The following XKR6 variants were observed in gnomAD, a reference collection of about 807,000 sequenced individuals.
XKR6 encodes the protein XK-related protein 6.
XKR6 carries 22 observed loss-of-function variants against 56.7 expected under a neutral mutation model. The ratio of observed to expected loss-of-function variants is 0.39; its 90% confidence interval spans 0.28 to 0.55. The LOEUF is 0.55. XKR6 is among the 20% of genes least tolerant of loss of function. The pLI is 0.66. For synonymous variants in XKR6, 524 were observed against 387.8 expected, an observed-to-expected ratio of 1.35 and a Z score of -4.13; for missense variants, 852 against 889.0, an observed-to-expected ratio of 0.96 and a Z score of 0.53.
intron 1 of XKR6, among the ~76,000 whole-genome samples, chr8:11,186,539 A>C (rs1752587793): frequency 6.6e-6 from 1 of 152,038 alleles, no homozygotes; most frequent in Admixed American, 6.5e-5. Flanking sequence ...CACCACATCC[A>C]GCTCATCTAT....
At position 11,128,501 on chromosome 8, in the gene XKR6, C is replaced by A. The variant is rs1183012261; in HGVS notation, c.764+72075G>T. ...ATTTAAAACCAAATGCCTGATCTTC[C>A]GAATGACCAGTTCTAGTAGTACATC... On this transcript the variant is annotated intron_variant, in intron 1 of 2. Transcript: ENST00000416569. Among the ~76,000 whole-genome samples, 7 of 152,104 alleles carry A rather than the reference C, an allele frequency of 4.6e-5. No individual in the cohort carries two copies. In the East Asian group the frequency reaches 9.6e-4, roughly 21 times the overall value.
At chr8:11,052,076 C>A (rs1256992236) in intron 1 of XKR6, among the ~76,000 whole-genome samples, 4 of 152,204 alleles carry the variant, frequency 2.6e-5, no homozygotes, top group Admixed American at 1.3e-4. Flanking sequence ...CCACCGCCTG[C>A]CTCTCTGTCC....
intron 1 of XKR6, among the ~76,000 whole-genome samples, chr8:11,165,492 C>G (rs1312303515): frequency 1.3e-5 from 2 of 152,120 alleles, no homozygotes; most frequent in Non-Finnish European, 2.9e-5. Flanking sequence ...AACCTGGACA[C>G]ACAAGGTGAG....
chr8:10,985,729 T>C (rs1440474687), intron 1 of XKR6, among the ~76,000 whole-genome samples: 1 of 152,220 alleles, frequency 6.6e-6, no homozygotes, highest in Non-Finnish European at 1.5e-5. Flanking sequence ...TCTTTCCTTT[T>C]TTCCTTTATA....
intron 1 of XKR6, among the ~76,000 whole-genome samples, chr8:11,145,126 C>T (rs796838225): frequency 7.2e-5 from 11 of 152,190 alleles, no homozygotes; most frequent in African/African-American, 2.6e-4. Context: ...AAATCCAAAA[C>T]ATTTTGAGCA....
chr8:11,076,863 G>C (rs571708237), intron 1 of XKR6, among the ~76,000 whole-genome samples: 2 of 152,308 alleles, frequency 1.3e-5, no homozygotes, highest in South Asian at 2.1e-4. Flanking sequence ...GTAATAGTTT[G>C]ATTCCTTCGT....
intron 1 of XKR6, among the ~76,000 whole-genome samples, chr8:11,153,098 T>TAA (rs1801343656): frequency 6.6e-6 from 1 of 152,230 alleles, no homozygotes; most frequent in Non-Finnish European, 1.5e-5. Context: ...CAGTGAATTA[T>TAA]TATTATAGGT....
intron 1 of XKR6, among the ~76,000 whole-genome samples, chr8:10,928,171 C>T (rs1183754970): frequency 1.3e-5 from 2 of 152,256 alleles, no homozygotes; most frequent in Non-Finnish European, 2.9e-5. Flanking sequence ...ACGCAAGCCA[C>T]TGCCGCCTCA....
Position 11,188,936 on chromosome 8 carries a change from G to A in XKR6, c.764+11640C>T, listed in dbSNP as rs555604072. The stretch of plus-strand genomic sequence containing the variant: ...AGTGCAAAGGGAAGGTATTGAGTGT[G>A]CACAGATGCAGGGATGCTTGCTGAT... On this transcript the variant is annotated intron_variant, in intron 1 of 2. Transcript: ENST00000416569. Among the ~76,000 whole-genome samples, 7 of 152,256 alleles carry A rather than the reference G, an allele frequency of 4.6e-5. No individual in the cohort carries two copies. In the South Asian group the frequency reaches 1.5e-3, roughly 32 times the overall value.
chr8:10,908,378 C>CATATATAT (rs59605171), intron 2 of XKR6, among the ~76,000 whole-genome samples: 87 of 149,544 alleles, frequency 5.8e-4, no homozygotes, highest in African/African-American at 1.5e-3. Flanking sequence ...CTGCCATAAA[C>CATATATAT]ATATATATAT....
chr8:11,022,265 G>C (rs145221364), intron 1 of XKR6, among the ~76,000 whole-genome samples: 353 of 152,030 alleles, frequency 2.3e-3, no homozygotes, highest in African/African-American at 8.1e-3. Context: ...TGTTGCCTTA[G>C]CATCCCTGGG....
In XKR6 at chr8:10,900,338, C is replaced by T. The variant is rs1800000636; in HGVS notation, c.962-1422G>A. Among the ~76,000 whole-genome samples, 4 of 152,218 alleles carry T rather than the reference C, an allele frequency of 2.6e-5. No homozygotes were observed. The South Asian group carries it at 8.3e-4, about 32-fold the overall frequency. ...TCCCCGGGACCTGCCCAACTCCCCA[C>T]AACTCTCCGAAGCCCGATGAAGAAT... On this transcript the variant is annotated intron_variant, in intron 2 of 2. Coordinates refer to ENST00000416569, the MANE Select transcript of XKR6 (RefSeq NM_173683.4).
Position 10,924,722 on chromosome 8 carries a change from G to A in XKR6, c.873C>T (p.Arg291=). The change falls in exon 2 of 3, where the codon CGC becomes CGT. Residue 291 remains arginine (R), a synonymous_variant. Transcript: ENST00000416569. ...CGCTCTCCAGGAAGGTCTCCAGGAG[G>A]CGCAGCATGTTGACGTCTGCATATT... The part of the protein sequence containing the change: ...MYEYADVNML[R]LLETFLESAP... 6.2e-7 allele frequency: 1 copy of A among 1,613,818 alleles called. No homozygotes were observed. Among genetic ancestry groups the A allele is most frequent in the Non-Finnish European group, 8.5e-7 (1 of 1,179,996 alleles).
At chr8:11,149,537 T>C (rs995173995) in intron 1 of XKR6, among the ~76,000 whole-genome samples, 2 of 152,104 alleles carry the variant, frequency 1.3e-5, no homozygotes, top group Non-Finnish European at 2.9e-5. Context: ...TCATACTGCA[T>C]CATACTTTTG....
At chr8:10,927,133 G>C (rs1381580232) in intron 1 of XKR6, among the ~76,000 whole-genome samples, 1 of 152,186 alleles carries the variant, frequency 6.6e-6, no homozygotes, top group African/African-American at 2.4e-5. Context: ...TCGGTAGTTT[G>C]GGAGGGGCTG....
rs1197832536 is a variant in XKR6, at chr8:11,115,560, G to A, written c.764+85016C>T. ...ACATATAGTCTACACTAACATTATC[G>A]TTCAATGTTTTGCATTTCTCTGCTG... On this transcript the variant is annotated intron_variant, in intron 1 of 2. Transcript: ENST00000416569. 3.3e-5 allele frequency among the ~76,000 whole-genome samples: 5 copies of A among 152,062 alleles called. No individual in the cohort carries two copies. In the South Asian group the frequency reaches 6.2e-4, roughly 19 times the overall value.
chr8:10,950,582 AG>A (rs1224643969), intron 1 of XKR6, among the ~76,000 whole-genome samples: 1 of 152,360 alleles, frequency 6.6e-6, no homozygotes, highest in South Asian at 2.1e-4. Flanking sequence ...AAATGAAGAA[AG>A]GGATGTGTCC....
chr8:10,968,044 G>A (rs981557623), intron 1 of XKR6, among the ~76,000 whole-genome samples: 2 of 152,212 alleles, frequency 1.3e-5, no homozygotes, highest in African/African-American at 2.4e-5. Context: ...CAGAGGCCCT[G>A]CAGCACCCCC....
At position 10,898,101 on chromosome 8, in the gene XKR6, G is replaced by A; in HGVS notation, c.1777C>T (p.Arg593Ter). The A allele has an allele frequency of 1.9e-6, 3 of 1,614,128 alleles. No individual in the cohort carries two copies. Among genetic ancestry groups the A allele is most frequent in the East Asian group, 2.2e-5 (1 of 44,880 alleles). ...PLIKIDMPRK[R>*]YPAWDAHFVD... is the part of the protein sequence containing the mutation. Reference sequence around the variant, plus strand: ...AAATGAGCATCCCAAGCTGGGTATCGCTTTCTTGGCATGTCAATCTTAATG... The same window carrying A: ...AAATGAGCATCCCAAGCTGGGTATCACTTTCTTGGCATGTCAATCTTAATG... The change falls in exon 3 of 3, where the codon CGA (arginine) becomes TGA (stop). Residue 593 changes from arginine (R) to a stop codon, truncating the protein, a stop_gained. Transcript: ENST00000416569. LOFTEE classifies it high-confidence loss of function. This position sits in a 1 kb window ranked among gnomAD's most constrained non-coding sequence, Gnocchi z 6.6.
Sources: allele counts gnomAD v4.1 joint callset (sites outside exome capture counted in the v4.1 genomes callset), GRCh38; gene constraint gnomAD v4.1.1; non-coding constraint Gnocchi (gnomAD v3.1); transcripts MANE v1.5; gene names NCBI Gene and HGNC (gene_info 2026-07-23, HGNC 2026-07-21).